Variants in HCN1 observed in about 807,000 individuals in gnomAD.
The protein encoded by HCN1 is hyperpolarization activated cyclic nucleotide gated potassium channel 1, also known as potassium/sodium hyperpolarization-activated cyclic nucleotide-gated channel 1.
Under a neutral mutation model 78.9 loss-of-function variants are expected in HCN1, and 13 were observed. The ratio of observed to expected loss-of-function variants is 0.16; its 90% CI spans 0.11 to 0.26. The LOEUF (loss-of-function observed/expected upper bound fraction) is 0.26. Among genes scored for constraint, HCN1 ranks in the 10% least tolerant of loss-of-function variants. The pLI is 1.00. For synonymous variants in HCN1, 552 were observed against 455.5 expected (o/e 1.21, Z -2.70); for missense variants, 810 against 1,154.3 (o/e 0.70, Z 4.32).
At chr5:45,391,548 T>TA in intron 4 of HCN1, among the ~76,000 whole-genome samples, 1 of 152,266 alleles carries the variant, frequency 6.6e-6, no homozygotes, top group African/African-American at 2.4e-5. Flanking sequence ...TCATATAGCT[T>TA]AAAAAATTGA....
chr5:45,289,889 T>A (rs1745337270), intron 6 of HCN1, among the ~76,000 whole-genome samples: 1 of 151,994 alleles, frequency 6.6e-6, no homozygotes, highest in Non-Finnish European at 1.5e-5. Flanking sequence ...ACATACTGCC[T>A]TCTTTGTATT....
At chr5:45,429,603 T>C (rs568668228) in intron 3 of HCN1, among the ~76,000 whole-genome samples, 1 of 152,004 alleles carries the variant, frequency 6.6e-6, no homozygotes, top group East Asian at 1.9e-4. Flanking sequence ...ATTGAGAAAA[T>C]AGAGGGAATA....
intron 2 of HCN1, among the ~76,000 whole-genome samples, chr5:45,472,607 G>A (rs1265713381): frequency 1.0e-5 from 1 of 98,890 alleles, no homozygotes; most frequent in African/African-American, 4.2e-5. Flanking sequence ...AGGAAAGAAA[G>A]AAAAGAAGGA....
At chr5:45,395,802 T>C (rs552153098) in intron 4 of HCN1, among the ~76,000 whole-genome samples, 2 of 152,218 alleles carry the variant, frequency 1.3e-5, no homozygotes, top group African/African-American at 2.4e-5. Flanking sequence ...ATTAGTACTG[T>C]CCCAATACCC....
chr5:45,556,250 C>G (rs1392148786), intron 2 of HCN1, among the ~76,000 whole-genome samples: 1 of 151,790 alleles, frequency 6.6e-6, no homozygotes, highest in Non-Finnish European at 1.5e-5. Context: ...GCAAAGGAAA[C>G]AATCAACAAA....
chr5:45,661,361 C>G (rs1174092306), intron 1 of HCN1, among the ~76,000 whole-genome samples: 1 of 150,326 alleles, frequency 6.7e-6, no homozygotes, highest in African/African-American at 2.5e-5. Flanking sequence ...AGGAAAGATC[C>G]AAAATCGACA....
Position 45,261,953 on chromosome 5 carries a change from C to T in HCN1, c.2641G>A (p.Ala881Thr), listed in dbSNP as rs56377228. The change falls in exon 8 of 8, where the codon GCA becomes ACA. Residue 881 changes from alanine to threonine, a missense_variant. This residue lies in a region of HCN1 where 398 missense variants were observed against 381.3 expected (regional missense o/e 1.04). Transcript: ENST00000303230. ...SSSVLNTDPD[A>T]EKPRFASNL ...TTTGAAGCAAATCGTGGCTTTTCTG[C>T]GTCTGGGTCTGTGTTTAAGACTGAG... 2 of 1,614,016 alleles carry T rather than the reference C, an allele frequency of 1.2e-6. No individual in the cohort carries two copies. The highest frequency in any genetic ancestry group is 2.2e-5 in the East Asian group (1 of 44,852).
intron 5 of HCN1, among the ~76,000 whole-genome samples, chr5:45,320,260 C>T (rs1362690249): frequency 6.6e-6 from 1 of 151,854 alleles, no homozygotes. Flanking sequence ...CATGACACCT[C>T]ATCTCCTAGA....
intron 5 of HCN1, among the ~76,000 whole-genome samples, chr5:45,340,011 C>G (rs1375152209): frequency 2.0e-5 from 3 of 152,110 alleles, no homozygotes; most frequent in Admixed American, 2.0e-4. Context: ...CAGTGCCTCC[C>G]AGGTTCAAGT....
At chr5:45,283,611 G>C (rs1448680199) in intron 6 of HCN1, among the ~76,000 whole-genome samples, 1 of 152,116 alleles carries the variant, frequency 6.6e-6, no homozygotes, top group Non-Finnish European at 1.5e-5. Flanking sequence ...ACACTAGTCA[G>C]AATGTCTACC....
intron 5 of HCN1, among the ~76,000 whole-genome samples, chr5:45,311,541 G>T (rs1745851696): frequency 6.6e-6 from 1 of 152,126 alleles, no homozygotes; most frequent in African/African-American, 2.4e-5. Flanking sequence ...ATGCAGAAAT[G>T]ACATAATTTT....
chr5:45,346,899 G>C (rs1183171208), intron 5 of HCN1, among the ~76,000 whole-genome samples: 1 of 152,208 alleles, frequency 6.6e-6, no homozygotes, highest in Non-Finnish European at 1.5e-5. Context: ...AGCTCAAGGA[G>C]GCCTGCCTGC....
At chr5:45,594,221 T>C (rs1262144728) in intron 2 of HCN1, among the ~76,000 whole-genome samples, 1 of 152,224 alleles carries the variant, frequency 6.6e-6, no homozygotes, top group Admixed American at 6.5e-5. Flanking sequence ...TTATTTTCCA[T>C]TGCTTTTTCA....
intron 1 of HCN1, among the ~76,000 whole-genome samples, chr5:45,655,982 T>C (rs917742204): frequency 6.6e-6 from 1 of 152,172 alleles, no homozygotes; most frequent in African/African-American, 2.4e-5. Context: ...ACAGCAGGTA[T>C]TGTTCTAAGT....
chr5:45,374,153 A>T (rs1374802953), intron 4 of HCN1, among the ~76,000 whole-genome samples: 3 of 106,732 alleles, frequency 2.8e-5, no homozygotes, highest in Non-Finnish European at 3.7e-5. Context: ...ATTATATATA[A>T]TATACATTAT....
At chr5:45,368,223 A>C (rs1404158142) in intron 4 of HCN1, among the ~76,000 whole-genome samples, 2 of 152,024 alleles carry the variant, frequency 1.3e-5, no homozygotes, top group African/African-American at 4.8e-5. Context: ...TGAGGCTGCA[A>C]GATAATGACA....
intron 2 of HCN1, among the ~76,000 whole-genome samples, chr5:45,540,341 TGAGAGAGAGAGA>T (rs960062196): frequency 7.7e-5 from 11 of 143,558 alleles, no homozygotes; most frequent in African/African-American, 2.3e-4. Context: ...TTTTTTTTTT[TGAGAGAGAGAGA>T]GTCTCACTCT....
intron 2 of HCN1, among the ~76,000 whole-genome samples, chr5:45,479,283 T>C (rs1280405289): frequency 6.6e-6 from 1 of 152,150 alleles, no homozygotes; most frequent in Non-Finnish European, 1.5e-5. Flanking sequence ...GAGAATGGGC[T>C]GCAATTAAAG....
intron 5 of HCN1, among the ~76,000 whole-genome samples, chr5:45,314,152 A>G (rs2111922492): frequency 6.6e-6 from 1 of 152,336 alleles, no homozygotes; most frequent in East Asian, 1.9e-4. Context: ...CCACCAGACT[A>G]ACAGCGAATC....
Sources: gnomAD v4.1 joint callset for allele counts (sites outside exome capture counted in the v4.1 genomes callset) on GRCh38, gnomAD v4.1.1 for gene constraint, gnomAD v4.1.1 regional missense constraint, MANE v1.5 for transcripts, NCBI Gene and HGNC (gene_info 2026-07-23, HGNC 2026-07-21) for gene names.